The following PRKG1 variants were observed in gnomAD, a reference collection of about 807,000 sequenced individuals.
The protein encoded by PRKG1 is cGMP-dependent protein kinase 1.
PRKG1 carries 35 observed loss-of-function variants against 88.1 expected under a neutral mutation model. That is an observed-to-expected ratio of 0.40 (90% CI 0.30 to 0.53). The LOEUF is 0.53. Among genes scored for constraint, PRKG1 ranks in the 20% least tolerant of loss-of-function variants. The pLI, the probability that PRKG1 is intolerant of heterozygous loss-of-function variation, is 0.59. For synonymous variants in PRKG1, 303 were observed against 292.5 expected (o/e 1.04, Z -0.37); for missense variants, 540 against 839.8 (o/e 0.64, Z 4.41).
At chr10:52,280,636 A>G (rs1025742906) in intron 12 of PRKG1, among the ~76,000 whole-genome samples, 153 bp from the exon 13 acceptor site, 1 of 152,206 alleles carries the variant, frequency 6.6e-6, no homozygotes, top group East Asian at 1.9e-4. Context: ...AGAAAACCCA[A>G]TGTAATGGCA....
intron 4 of PRKG1, among the ~76,000 whole-genome samples, chr10:51,875,535 G>T (rs1435968107): frequency 6.6e-6 from 1 of 152,094 alleles, no homozygotes; most frequent in Non-Finnish European, 1.5e-5. Context: ...AGCCTCCCAA[G>T]TAGCTGAGAT....
In PRKG1 at chr10:50,991,310, AGCCGCCGCCGCCGCCGCCGCCGCC is replaced by A; in HGVS notation, c.-59_-36del. The A allele has an allele frequency of 7.2e-7, 1 of 1,396,522 alleles. No homozygotes were observed. The highest frequency in any genetic ancestry group is 9.5e-7 in the Non-Finnish European group (1 of 1,056,666). 86.5% of individuals were successfully genotyped at this position (1,396,522 alleles called of 1,614,324 possible). On this transcript the variant is annotated 5_prime_UTR_variant, in exon 1 of 18. Coordinates refer to the PRKG1 transcript ENST00000401604. This position sits in a 1 kb window ranked among gnomAD's most constrained non-coding sequence, Gnocchi z 4.5. ...GCTCTCCGCTGCCGGCTGCCGTCCC[AGCCGCCGCCGCCGCCGCCGCCGCC>A]GCCGCCGCCCGAGAAAAAGTTTCGC... is the stretch of plus-strand genomic sequence containing the variant.
rs191560175 is a variant in PRKG1, at chr10:51,947,371, C to A, written c.762+39801C>A. On this transcript the variant is annotated intron_variant, in intron 5 of 17. Coordinates refer to ENST00000373980, the MANE Select transcript of PRKG1 (RefSeq NM_006258.4). ...ATTTTCCAGGTGCCGTCTGTCACCC[C>A]TTTCTTTGACTAGGAAAGGGAACTG... Among the ~76,000 whole-genome samples, 289 of 152,256 alleles carry A rather than the reference C, an allele frequency of 1.9e-3. 4 individuals carry two copies. The highest frequency in any genetic ancestry group is 0.013 in the Admixed American group (197 of 15,298).
intron 9 of PRKG1, among the ~76,000 whole-genome samples, chr10:52,246,592 ATAGGCCAG>A (rs1841028735): frequency 6.6e-6 from 1 of 152,090 alleles, no homozygotes; most frequent in South Asian, 2.1e-4. Context: ...AGAGTCCCCT[ATAGGCCAG>A]TTGTGGTGGC....
intron 5 of PRKG1, among the ~76,000 whole-genome samples, chr10:51,929,181 A>G (rs1842637450): frequency 6.6e-6 from 1 of 152,092 alleles, no homozygotes; most frequent in Non-Finnish European, 1.5e-5. Flanking sequence ...GGAGTTATCA[A>G]TGGATCAAGA....
chr10:51,647,526 G>A (rs1481103758), intron 3 of PRKG1, among the ~76,000 whole-genome samples: 2 of 152,140 alleles, frequency 1.3e-5, no homozygotes, highest in Non-Finnish European at 2.9e-5. Context: ...TGTATCTCCA[G>A]TTACTCATAT....
At chr10:51,466,164 G>T (rs565326978) in intron 2 of PRKG1, among the ~76,000 whole-genome samples, 63 of 152,104 alleles carry the variant, frequency 4.1e-4, no homozygotes, top group Admixed American at 8.5e-4. Context: ...ATTTCTAGGG[G>T]CATAGGTTTG....
chr10:51,453,957 C>T (rs765416463), intron 2 of PRKG1, among the ~76,000 whole-genome samples: 1 of 152,090 alleles, frequency 6.6e-6, no homozygotes, highest in South Asian at 2.1e-4. Flanking sequence ...CAACAGTGAC[C>T]AAGCTGAGAG....
intron 1 of PRKG1, among the ~76,000 whole-genome samples, chr10:51,131,215 G>C (rs1845558434): frequency 6.6e-6 from 1 of 152,008 alleles, no homozygotes; most frequent in African/African-American, 2.4e-5. Flanking sequence ...ATCAAATAAT[G>C]TTTTGAAGTA....
chr10:51,942,198 G>A (rs1290852602), intron 5 of PRKG1, among the ~76,000 whole-genome samples: 1 of 151,888 alleles, frequency 6.6e-6, no homozygotes, highest in Non-Finnish European at 1.5e-5. Context: ...TTCTCTGATG[G>A]CCAGTGATGA....
chr10:51,681,713 G>T (rs986223528), intron 3 of PRKG1, among the ~76,000 whole-genome samples: 1 of 151,952 alleles, frequency 6.6e-6, no homozygotes, highest in Non-Finnish European at 1.5e-5. Flanking sequence ...AATTTTGTAG[G>T]ACTATTTTCT....
intron 3 of PRKG1, among the ~76,000 whole-genome samples, chr10:51,594,784 G>A (rs1349307408): frequency 6.6e-6 from 1 of 152,130 alleles, no homozygotes; most frequent in Admixed American, 6.5e-5. Flanking sequence ...GCTTTCTTTA[G>A]CACATAAAAT....
chr10:51,872,067 T>A (rs1335776430), intron 4 of PRKG1, among the ~76,000 whole-genome samples: 1 of 152,192 alleles, frequency 6.6e-6, no homozygotes, highest in African/African-American at 2.4e-5. Context: ...AGCTAATCAA[T>A]CCTGGCCCAT....
intron 2 of PRKG1, among the ~76,000 whole-genome samples, chr10:51,405,679 C>A (rs1588923565): frequency 6.6e-6 from 1 of 152,164 alleles, no homozygotes; most frequent in African/African-American, 2.4e-5. Context: ...GTTTCCTGTG[C>A]TTGTGTCTCA....
At chr10:52,024,487 A>T (rs1164058326) in intron 5 of PRKG1, among the ~76,000 whole-genome samples, 1 of 149,984 alleles carries the variant, frequency 6.7e-6, no homozygotes, top group Non-Finnish European at 1.5e-5. Flanking sequence ...CCATTCCCCC[A>T]CCCCACGACA....
At chr10:51,586,875 A>G (rs1838186946) in intron 3 of PRKG1, among the ~76,000 whole-genome samples, 1 of 152,148 alleles carries the variant, frequency 6.6e-6, no homozygotes, top group African/African-American at 2.4e-5. Context: ...GTATGAGGAA[A>G]AGGATGTACA....
intron 9 of PRKG1, among the ~76,000 whole-genome samples, chr10:52,216,479 CAG>C (rs1840114220): frequency 1.3e-5 from 2 of 152,270 alleles, no homozygotes; most frequent in South Asian, 2.1e-4. Context: ...ATTGAATAGT[CAG>C]AGTTAGATGG....
Position 51,907,662 on chromosome 10 carries a change from G to A in PRKG1, c.762+92G>A, listed in dbSNP as rs1842115479. The A allele has an allele frequency of 6.9e-6, 8 of 1,152,928 alleles. No individual in the cohort carries two copies. In the South Asian group the frequency reaches 1.1e-4, roughly 16 times the overall value. The allele number at this position is 1,152,928 out of a possible 1,614,324, so 71.4% of individuals were successfully genotyped here. On this transcript the variant is annotated intron_variant, in intron 5 of 17. Coordinates refer to ENST00000373980, the MANE Select transcript of PRKG1 (RefSeq NM_006258.4). ...GCTGTGTGATGAGGAATCACAAACT[G>A]CAGAGATCTTTAAAAAATTTCTAAG... is the stretch of plus-strand genomic sequence containing the variant.
intron 5 of PRKG1, among the ~76,000 whole-genome samples, chr10:51,986,401 CA>C (rs1010328830): frequency 6.6e-6 from 1 of 151,580 alleles, no homozygotes; most frequent in Non-Finnish European, 1.5e-5. Flanking sequence ...ATAGTCACTT[CA>C]AAAAAAAGAT....
Sources: allele counts gnomAD v4.1 joint callset (sites outside exome capture counted in the v4.1 genomes callset), GRCh38; gene constraint gnomAD v4.1.1; non-coding constraint Gnocchi (gnomAD v3.1); transcripts MANE v1.5; gene names NCBI Gene and HGNC (gene_info 2026-07-23, HGNC 2026-07-21).